The following BCL2L12 variants were observed in gnomAD, a reference collection of about 807,000 sequenced individuals.
BCL2L12 encodes BCL2 like 12.
A neutral mutation model predicts 25.7 loss-of-function variants in BCL2L12; 27 were observed. The observed-to-expected ratio is 1.05, with a 90% confidence interval of 0.78 to 1.45. BCL2L12 has a LOEUF of 1.45. Among genes scored for constraint, BCL2L12 ranks in the 40% most tolerant of loss-of-function variants. The pLI is 0.00. For synonymous variants in BCL2L12, 132 were observed against 145.6 expected (o/e 0.91, Z 0.67); for missense variants, 302 against 329.8 (o/e 0.92, Z 0.65).
chr19:49,665,952 T>C lies in BCL2L12; in HGVS notation c.-124T>C, dbSNP rs949868626. The C allele has an allele frequency of 2.7e-5, 44 of 1,613,336 alleles. No homozygotes were observed. Among genetic ancestry groups the C allele is most frequent in the Non-Finnish European group, 3.6e-5 (42 of 1,179,738 alleles). ...TTCCGCCCTTTCTACGCTGGGCCGG[T>C]TATCGACCCGGCCCAGTGCGCAGGC... On this transcript the variant is annotated 5_prime_UTR_variant, in exon 1 of 7. Transcript: ENST00000246784.
chr19:49,666,037 T>G lies in BCL2L12; in HGVS notation c.-39T>G. 6.4e-7 allele frequency: 1 copy of G among 1,561,806 alleles called. No homozygotes were observed. Among genetic ancestry groups the G allele is most frequent in the Non-Finnish European group, 8.7e-7 (1 of 1,151,604 alleles). ...TCAGTGGAGGAGACCGCAAGTTGAG[T>G]GGAGGAGGCGGCGGTGGGGCCCCGG... On this transcript the variant is annotated 5_prime_UTR_variant, in exon 1 of 7. Transcript: ENST00000246784.
Position 49,670,273 on chromosome 19 carries a change from G to C in BCL2L12, c.487G>C (p.Ala163Pro). 6.2e-7 allele frequency: 1 copy of C among 1,610,614 alleles called. No homozygotes were observed. Among genetic ancestry groups the C allele is most frequent in the Non-Finnish European group, 8.5e-7 (1 of 1,179,510 alleles). Reference sequence around the variant, plus strand: ...GGTCCGCCTGTCCTCCGACTCTTTCGCCCGCCTGGTGGAGCTGTTCTGTAG... The same window carrying C: ...GGTCCGCCTGTCCTCCGACTCTTTCCCCCGCCTGGTGGAGCTGTTCTGTAG... ...KLVRLSSDSF[A>P]RLVELFCSRD... The change falls in exon 6 of 7, where the codon GCC becomes CCC. Residue 163 changes from alanine to proline, a missense_variant. Ala to Pro is a conservative substitution (Grantham distance 27, BLOSUM62 -1). Transcript: ENST00000246784.
Position 49,665,990 on chromosome 19 carries a change from A to C in BCL2L12, c.-86A>C, listed in dbSNP as rs1014988971. ...CCAGTGCGCAGGCGCGGGAAAGTTG[A>C]ACTAATAAAGTTTGTACGAGTTCAG... On this transcript the variant is annotated 5_prime_UTR_variant, in exon 1 of 7. Coordinates refer to ENST00000246784, the MANE Select transcript of BCL2L12 (RefSeq NM_138639.2). The C allele has an allele frequency of 5.6e-6, 9 of 1,607,824 alleles. No homozygotes were observed. The highest frequency in any genetic ancestry group is 6.8e-6 in the Non-Finnish European group (8 of 1,176,770).
chr19:49,665,921 C>T, upstream of BCL2L12: 1 of 1,613,768 alleles, frequency 6.2e-7, no homozygotes, highest in Non-Finnish European at 8.5e-7. Flanking sequence ...GAGCGTGCAC[C>T]CAGCGTTCCG....
chr19:49,668,329 C>T (rs1215147929), intron 3 of BCL2L12, among the ~76,000 whole-genome samples: 1 of 151,674 alleles, frequency 6.6e-6, no homozygotes, highest in African/African-American at 2.4e-5. Context: ...GAACTCCCAA[C>T]CTCAGGTGAT....
upstream of BCL2L12, chr19:49,665,857 T>C (rs1179809320): frequency 1.9e-6 from 3 of 1,608,634 alleles, no homozygotes; most frequent in Non-Finnish European, 2.6e-6. Context: ...CCCGCCCCTA[T>C]GCCCTTTTTT....
Position 49,667,057 on chromosome 19 carries a change from G to A in BCL2L12, c.146G>A (p.Arg49His), listed in dbSNP as rs763853521. Residue 49 changes from arginine (R) to histidine (H), a missense_variant, in exon 3 of 7, where the codon CGC becomes CAC. Coordinates refer to ENST00000246784, the MANE Select transcript of BCL2L12 (RefSeq NM_138639.2). ...AQEEPTDFLS[R>H]LRRCLPCSLG... ...GAAGAGCCAACAGACTTCCTGAGCC[G>A]CCTTCGAAGATGTCTTCCCTGCTCC... is the stretch of plus-strand genomic sequence containing the variant. 9.9e-6 allele frequency: 16 copies of A among 1,613,524 alleles called. 1 individual carries two copies. In the South Asian group the frequency reaches 1.1e-4, roughly 11 times the overall value.
At position 49,668,900 on chromosome 19, in the gene BCL2L12, G is replaced by A; in HGVS notation, c.300G>A (p.Gln100=). The change falls in exon 4 of 7, where the codon CAG becomes CAA. Residue 100 remains glutamine (Q), a synonymous_variant. Transcript: ENST00000246784. ...FYALVAQRLE[Q]LVQEQLKSPP... ...CTTTGGTGGCCCAGCGGCTGGAACA[G>A]CTGGTCCAAGAGCAGCTGAAATCTC... The A allele has an allele frequency of 6.2e-7, 1 of 1,613,710 alleles. No homozygotes were observed.
At chr19:49,668,158 C>T (rs1239310225) in intron 3 of BCL2L12, among the ~76,000 whole-genome samples, 3 of 150,952 alleles carry the variant, frequency 2.0e-5, no homozygotes, top group African/African-American at 7.3e-5. Context: ...TGCAATGGCC[C>T]GATCTCGGCT....
At chr19:49,665,650 C>G, upstream of BCL2L12, 1 of 782,084 alleles carries the variant, frequency 1.3e-6, no homozygotes, top group Non-Finnish European at 2.0e-6. Context: ...AAGGTCGGGG[C>G]GTGCGGGCAG....
Position 49,668,956 on chromosome 19 carries a change from C to G in BCL2L12, c.337+19C>G. 6.2e-7 allele frequency: 1 copy of G among 1,613,980 alleles called. No individual in the cohort carries two copies. The highest frequency in any genetic ancestry group is 2.2e-5 in the East Asian group (1 of 44,882). ...AGCCCAGGTGAGGCACAGAGGAGCC[C>G]CAGAGAAGGATGGCGGTGGGAGGAT... On this transcript the variant is annotated intron_variant, in intron 4 of 6. Transcript: ENST00000246784.
At chr19:49,665,769 A>G (rs2081703216), upstream of BCL2L12, 2 of 1,547,786 alleles carry the variant, frequency 1.3e-6, no homozygotes. Context: ...TTTTTGATCG[A>G]CTTCTTGAAA....
At position 49,672,549 on chromosome 19, in the gene BCL2L12, G is replaced by T. The variant is rs946113565; in HGVS notation, c.703-1149G>T. Among the ~76,000 whole-genome samples, 2 of 152,212 alleles carry T rather than the reference G, an allele frequency of 1.3e-5. No homozygotes were observed. Among genetic ancestry groups the T allele is most frequent in the Non-Finnish European group, 2.9e-5 (2 of 68,042 alleles). The stretch of plus-strand genomic sequence containing the variant: ...TGGGGACAGACTGCTGGGGGCGAGG[G>T]CAGAAGTAGGGGCACAGGGAGGAGG... On this transcript the variant is annotated intron_variant, in intron 6 of 6. Coordinates refer to ENST00000246784, the MANE Select transcript of BCL2L12 (RefSeq NM_138639.2). The surrounding 1 kb of genome is among the most constrained non-coding windows in gnomAD (Gnocchi z 4.1).
At chr19:49,671,316 C>T (rs753259842) in intron 6 of BCL2L12, among the ~76,000 whole-genome samples, 52 of 149,666 alleles carry the variant, frequency 3.5e-4, no homozygotes, top group Non-Finnish European at 6.5e-4. Flanking sequence ...AAAATTAGCC[C>T]GGCATGCCTG....
Position 49,665,944 on chromosome 19 carries a change from T to A in BCL2L12, c.-132T>A. On this transcript the variant is annotated 5_prime_UTR_variant, in exon 1 of 7. Coordinates refer to ENST00000246784, the MANE Select transcript of BCL2L12 (RefSeq NM_138639.2). ...ACCCAGCGTTCCGCCCTTTCTACGC[T>A]GGGCCGGTTATCGACCCGGCCCAGT... 1 of 1,613,746 alleles carries A rather than the reference T, an allele frequency of 6.2e-7. No individual in the cohort carries two copies.
At position 49,667,710 on chromosome 19, in the gene BCL2L12, G is replaced by A. The variant is rs373941635; in HGVS notation, c.250+549G>A. Among the ~76,000 whole-genome samples the A allele has an allele frequency of 1.4e-3, 207 of 152,290 alleles. 4 individuals are homozygous for A. In the South Asian group the frequency reaches 0.041, roughly 30 times the overall value. ...AATTGGTGATGTCTGTAGTGAGTGA[G>A]GGAAGGGGATACTAACAGTAATGTC... is the stretch of plus-strand genomic sequence containing the variant. On this transcript the variant is annotated intron_variant, in intron 3 of 6. Transcript: ENST00000246784.
chr19:49,665,988 T>A lies in BCL2L12; in HGVS notation c.-88T>A. 6.2e-7 allele frequency: 1 copy of A among 1,608,714 alleles called. No individual in the cohort carries two copies. On this transcript the variant is annotated 5_prime_UTR_variant, in exon 1 of 7. Coordinates refer to ENST00000246784, the MANE Select transcript of BCL2L12 (RefSeq NM_138639.2). ...GCCCAGTGCGCAGGCGCGGGAAAGT[T>A]GAACTAATAAAGTTTGTACGAGTTC...
chr19:49,665,845 T>G (rs998085984), upstream of BCL2L12: 25 of 1,602,854 alleles, frequency 1.6e-5, no homozygotes, highest in Non-Finnish European at 2.0e-5. Context: ...CGCTGGGCTG[T>G]TCCCGCCCCT....
chr19:49,671,437 G>A (rs1282686230), intron 6 of BCL2L12, among the ~76,000 whole-genome samples: 1 of 152,106 alleles, frequency 6.6e-6, no homozygotes, highest in African/African-American at 2.4e-5. Context: ...CAAGAGCGGG[G>A]CTCTGTCTCA....
Sources: gnomAD v4.1 joint callset for allele counts (sites outside exome capture counted in the v4.1 genomes callset) on GRCh38, gnomAD v4.1.1 for gene constraint, Gnocchi (gnomAD v3.1) non-coding constraint, MANE v1.5 for transcripts, NCBI Gene and HGNC (gene_info 2026-07-23, HGNC 2026-07-21) for gene names.